KCNT2: variants seen among roughly 807,000 people sequenced by gnomAD.
KCNT2 encodes the protein potassium channel subfamily T member 2.
In KCNT2, 67 loss-of-function variants were observed where a neutral mutation model predicts 153.8. That is an observed-to-expected ratio of 0.44 (90% CI 0.36 to 0.53). The LOEUF (loss-of-function observed/expected upper bound fraction) is 0.53. Among genes scored for constraint, KCNT2 ranks in the 20% least tolerant of loss-of-function variants. KCNT2 has a pLI of 0.00. For synonymous variants in KCNT2, 500 were observed against 458.8 expected (o/e 1.09, Z -1.15); for missense variants, 975 against 1,354.8 (o/e 0.72, Z 4.40).
At chr1:196,237,521 G>C (rs2102242145) in intron 26 of KCNT2, among the ~76,000 whole-genome samples, 1 of 151,756 alleles carries the variant, frequency 6.6e-6, no homozygotes, top group East Asian at 1.9e-4. Flanking sequence ...GGGTTGCCAG[G>C]AAAAATAGAG....
intron 26 of KCNT2, among the ~76,000 whole-genome samples, chr1:196,255,212 A>G: frequency 6.6e-6 from 1 of 151,884 alleles, no homozygotes; most frequent in South Asian, 2.1e-4. Context: ...AATAGAGTTT[A>G]TAGATTAAAA....
intron 1 of KCNT2, among the ~76,000 whole-genome samples, chr1:196,588,741 G>A (rs1003896772): frequency 1.2e-4 from 18 of 151,978 alleles, no homozygotes; most frequent in Admixed American, 2.0e-4. Flanking sequence ...ATAGTTATGG[G>A]CAGCAATTAA....
intron 20 of KCNT2, among the ~76,000 whole-genome samples, chr1:196,317,988 C>T (rs1662894848): frequency 6.6e-6 from 1 of 151,342 alleles, no homozygotes; most frequent in African/African-American, 2.4e-5. Context: ...CTATTTACTA[C>T]TGCATTTATT....
intron 14 of KCNT2, among the ~76,000 whole-genome samples, chr1:196,360,365 A>G (rs939436735): frequency 6.6e-6 from 1 of 151,990 alleles, no homozygotes; most frequent in Non-Finnish European, 1.5e-5. Context: ...AATTCCCACG[A>G]CTAAAGAAGC....
At chr1:196,536,885 C>T (rs902986812) in intron 1 of KCNT2, among the ~76,000 whole-genome samples, 14 of 152,124 alleles carry the variant, frequency 9.2e-5, no homozygotes, top group Non-Finnish European at 1.5e-4. Flanking sequence ...GACTGTAGCC[C>T]ATCCTGCCAC....
chr1:196,507,583 A>C (rs1272738754), intron 1 of KCNT2, among the ~76,000 whole-genome samples: 3 of 152,086 alleles, frequency 2.0e-5, no homozygotes, highest in Non-Finnish European at 4.4e-5. Context: ...ATTGCCTAGA[A>C]TTACTTAGCT....
At chr1:196,280,634 TAA>T (rs1659006111) in intron 25 of KCNT2, among the ~76,000 whole-genome samples, 1 of 152,148 alleles carries the variant, frequency 6.6e-6, no homozygotes, top group Non-Finnish European at 1.5e-5. Flanking sequence ...CCAACATCCA[TAA>T]ACTTAGAACA....
At chr1:196,526,171 A>G (rs1181487476) in intron 1 of KCNT2, among the ~76,000 whole-genome samples, 1 of 152,046 alleles carries the variant, frequency 6.6e-6, no homozygotes, top group African/African-American at 2.4e-5. Flanking sequence ...ACTACAAGGT[A>G]GGGTCTTAAG....
At chr1:196,361,981 A>C (rs973795291) in intron 14 of KCNT2, among the ~76,000 whole-genome samples, 1 of 151,660 alleles carries the variant, frequency 6.6e-6, no homozygotes, top group African/African-American at 2.4e-5. Context: ...CTGGTACTCT[A>C]TTTTATCCAC....
intron 12 of KCNT2, among the ~76,000 whole-genome samples, chr1:196,399,764 C>T (rs772356543): frequency 2.0e-5 from 3 of 151,856 alleles, no homozygotes; most frequent in South Asian, 4.2e-4. Flanking sequence ...CTCTGGTAGG[C>T]CTCATCGTGA....
intron 1 of KCNT2, among the ~76,000 whole-genome samples, chr1:196,514,218 T>C (rs1359428899): frequency 6.6e-6 from 1 of 152,222 alleles, no homozygotes. Flanking sequence ...ACTCAATACA[T>C]TTGCTGAGTG....
intron 11 of KCNT2, among the ~76,000 whole-genome samples, chr1:196,424,180 A>G (rs983922325): frequency 6.6e-6 from 1 of 151,834 alleles, no homozygotes; most frequent in Non-Finnish European, 1.5e-5. Context: ...TTACCAAGAC[A>G]TCATTTTAAG....
At chr1:196,467,473 A>G (rs907014640) in intron 7 of KCNT2, among the ~76,000 whole-genome samples, 1 of 152,150 alleles carries the variant, frequency 6.6e-6, no homozygotes, top group African/African-American at 2.4e-5. Context: ...TTTAAATGAA[A>G]CAATTTACTA....
At chr1:196,562,327 A>C (rs1280965811) in intron 1 of KCNT2, among the ~76,000 whole-genome samples, 2 of 151,908 alleles carry the variant, frequency 1.3e-5, no homozygotes, top group African/African-American at 4.8e-5. Context: ...CTCTGTTTTA[A>C]TGTTAATGTT....
intron 12 of KCNT2, among the ~76,000 whole-genome samples, chr1:196,420,640 T>C (rs1230133801): frequency 6.6e-6 from 1 of 151,954 alleles, no homozygotes; most frequent in Non-Finnish European, 1.5e-5. Flanking sequence ...TTGAATGATA[T>C]AATGCATTTT....
intron 16 of KCNT2, among the ~76,000 whole-genome samples, chr1:196,340,131 T>C (rs111773433): frequency 0.049 from 7,524 of 152,068 alleles, 278 homozygotes; most frequent in Non-Finnish European, 0.071. Flanking sequence ...ATTATAGACA[T>C]ATGCCACCAC....
chr1:196,357,655 G>A (rs952826422), intron 14 of KCNT2, among the ~76,000 whole-genome samples: 2 of 151,828 alleles, frequency 1.3e-5, no homozygotes, highest in Non-Finnish European at 2.9e-5. Flanking sequence ...CAGGGTGGGA[G>A]GCATCCATTT....
At chr1:196,452,299 T>G (rs572991546) in intron 8 of KCNT2, among the ~76,000 whole-genome samples, 9 of 152,158 alleles carry the variant, frequency 5.9e-5, no homozygotes, top group African/African-American at 2.2e-4. Flanking sequence ...CTCTGAGAAC[T>G]AATAACCCAC....
rs1010956052 is a variant in KCNT2, at chr1:196,246,602, CA to C, written c.3212-10533del. Among the ~76,000 whole-genome samples, 69 of 151,308 alleles carry C rather than the reference CA, an allele frequency of 4.6e-4. 1 individual carries two copies. The highest frequency in any genetic ancestry group is 5.9e-4 in the Non-Finnish European group (40 of 67,756). On this transcript the variant is annotated intron_variant, in intron 26 of 27. Coordinates refer to ENST00000294725, the MANE Select transcript of KCNT2 (RefSeq NM_198503.5). ...TAGTATAATAAGATATAAATACAAA[CA>C]AAAAAAAGTTAAAAAGTGGAGGATA... is the stretch of plus-strand genomic sequence containing the variant.
Sources: allele counts gnomAD v4.1 joint callset (sites outside exome capture counted in the v4.1 genomes callset), GRCh38; gene constraint gnomAD v4.1.1; transcripts MANE v1.5; gene names NCBI Gene and HGNC (gene_info 2026-07-23, HGNC 2026-07-21).